LDB2: variants seen among roughly 807,000 people sequenced by gnomAD.
LDB2 encodes LIM domain binding 2, also known as LIM domain-binding protein 2.
In LDB2, 12 loss-of-function variants were observed where a neutral mutation model predicts 44.3. The observed-to-expected ratio is 0.27, with a 90% CI of 0.17 to 0.44. The LOEUF (loss-of-function observed/expected upper bound fraction) is 0.44, where lower values mean the gene tolerates loss of function less well. Ranked by LOEUF, LDB2 falls within the 20% of genes least tolerant of loss-of-function variation. The pLI, the probability that LDB2 is intolerant of heterozygous loss-of-function variation, is 1.00. For missense variants in LDB2, 344 were observed against 473.5 expected (o/e 0.73, Z 2.54); for synonymous variants, 164 against 174.8 (o/e 0.94, Z 0.49).
At chr4:16,542,559 T>C (rs1002937336) in intron 5 of LDB2, among the ~76,000 whole-genome samples, 2 of 152,098 alleles carry the variant, frequency 1.3e-5, no homozygotes, top group African/African-American at 4.8e-5. Flanking sequence ...AAGCAGAGGC[T>C]AGATGATGGT....
chr4:16,513,332 A>G (rs1722506946), intron 5 of LDB2, among the ~76,000 whole-genome samples: 1 of 152,154 alleles, frequency 6.6e-6, no homozygotes, highest in African/African-American at 2.4e-5. Context: ...CTCCCCACAC[A>G]GGCTGAGCTG....
At chr4:16,720,237 T>A (rs1289341734) in intron 2 of LDB2, among the ~76,000 whole-genome samples, 5 of 151,818 alleles carry the variant, frequency 3.3e-5, no homozygotes, top group African/African-American at 9.7e-5. Flanking sequence ...TAAGAAAGAT[T>A]ATCCTAGATA....
intron 1 of LDB2, among the ~76,000 whole-genome samples, chr4:16,809,262 C>A (rs988936833): frequency 1.3e-5 from 2 of 152,158 alleles, no homozygotes; most frequent in African/African-American, 4.8e-5. Context: ...GCAGCTATCA[C>A]TATCCTAATA....
chr4:16,520,031 A>G (rs576064055), intron 5 of LDB2, among the ~76,000 whole-genome samples: 2 of 152,178 alleles, frequency 1.3e-5, no homozygotes, highest in East Asian at 3.9e-4. Context: ...CCAATGGCAC[A>G]TGGCATTTTA....
At chr4:16,600,801 T>C (rs1211382247) in intron 2 of LDB2, among the ~76,000 whole-genome samples, 1 of 152,158 alleles carries the variant, frequency 6.6e-6, no homozygotes, top group Non-Finnish European at 1.5e-5. Flanking sequence ...TAGGTATTAC[T>C]TGTAGATATT....
At chr4:16,767,621 C>T (rs1227163535) in intron 1 of LDB2, among the ~76,000 whole-genome samples, 1 of 152,060 alleles carries the variant, frequency 6.6e-6, no homozygotes, top group Non-Finnish European at 1.5e-5. Flanking sequence ...AATTCTTTTC[C>T]CCAAAGCTAG....
At chr4:16,734,569 C>G (rs577836080) in intron 2 of LDB2, among the ~76,000 whole-genome samples, 2 of 152,148 alleles carry the variant, frequency 1.3e-5, no homozygotes, top group African/African-American at 4.8e-5. Context: ...TCCCTTCCAT[C>G]CAGAGTCCTT....
chr4:16,804,478 A>G (rs1778423638), intron 1 of LDB2, among the ~76,000 whole-genome samples: 1 of 152,166 alleles, frequency 6.6e-6, no homozygotes, highest in Non-Finnish European at 1.5e-5. Flanking sequence ...CATATATGCT[A>G]CTTTATTGTG....
intron 5 of LDB2, among the ~76,000 whole-genome samples, chr4:16,520,056 C>T (rs372005146): frequency 5.9e-4 from 90 of 152,022 alleles, no homozygotes; most frequent in African/African-American, 2.1e-3. Context: ...CTAACGTCTC[C>T]GATAATAACC....
At chr4:16,801,246 C>G (rs1156710133) in intron 1 of LDB2, among the ~76,000 whole-genome samples, 1 of 152,144 alleles carries the variant, frequency 6.6e-6, no homozygotes, top group African/African-American at 2.4e-5. Context: ...GCTTCATGAA[C>G]CACAGCACTT....
chr4:16,643,923 T>C (rs1228235841), intron 2 of LDB2, among the ~76,000 whole-genome samples: 2 of 152,238 alleles, frequency 1.3e-5, no homozygotes, highest in Non-Finnish European at 2.9e-5. Context: ...ATGGCAAATA[T>C]AGCACCTAAC....
intron 2 of LDB2, among the ~76,000 whole-genome samples, chr4:16,634,374 A>C (rs893786872): frequency 2.6e-5 from 4 of 152,154 alleles, no homozygotes; most frequent in Non-Finnish European, 4.4e-5. Context: ...GCATTGGAGA[A>C]AATTTTTGCA....
chr4:16,539,712 C>T (rs1225854183), intron 5 of LDB2, among the ~76,000 whole-genome samples: 1 of 152,136 alleles, frequency 6.6e-6, no homozygotes, highest in Non-Finnish European at 1.5e-5. Flanking sequence ...GAGTCCAAAA[C>T]TCCACTGCTA....
intron 2 of LDB2, among the ~76,000 whole-genome samples, chr4:16,744,554 A>G (rs559851163): frequency 1.3e-5 from 2 of 151,768 alleles, no homozygotes; most frequent in Non-Finnish European, 2.9e-5. Context: ...AGCTGACTGC[A>G]AGCTCCGCCT....
intron 1 of LDB2, among the ~76,000 whole-genome samples, chr4:16,814,105 C>T (rs1195275295): frequency 6.6e-6 from 1 of 152,230 alleles, no homozygotes; most frequent in South Asian, 2.1e-4. Context: ...CTCCTGACCT[C>T]GTGATCCGCC....
At chr4:16,859,726 G>T (rs1459724038) in intron 1 of LDB2, among the ~76,000 whole-genome samples, 1 of 152,158 alleles carries the variant, frequency 6.6e-6, no homozygotes, top group African/African-American at 2.4e-5. Flanking sequence ...CTTTTCAAGG[G>T]CCACACAATC....
chr4:16,542,332 T>C (rs1734141557), intron 5 of LDB2, among the ~76,000 whole-genome samples: 1 of 152,184 alleles, frequency 6.6e-6, no homozygotes, highest in African/African-American at 2.4e-5. Flanking sequence ...TGGATGGCGA[T>C]AAATGCCATG....
At chr4:16,648,665 T>C (rs1280303250) in intron 2 of LDB2, among the ~76,000 whole-genome samples, 3 of 152,194 alleles carry the variant, frequency 2.0e-5, no homozygotes, top group African/African-American at 4.8e-5. Context: ...TAAGTATATA[T>C]ACAACACAAG....
At chr4:16,821,908 A>C (rs1432361549) in intron 1 of LDB2, among the ~76,000 whole-genome samples, 3 of 152,094 alleles carry the variant, frequency 2.0e-5, no homozygotes, top group Non-Finnish European at 4.4e-5. Flanking sequence ...AACCCATCTC[A>C]GTTTAGAGGT....
Sources: gnomAD v4.1 joint callset for allele counts (sites outside exome capture counted in the v4.1 genomes callset) on GRCh38, gnomAD v4.1.1 for gene constraint, MANE v1.5 for transcripts, NCBI Gene and HGNC (gene_info 2026-07-23, HGNC 2026-07-21) for gene names.